Variants in ADCY5 observed in about 807,000 individuals in gnomAD.
ADCY5 encodes adenylate cyclase 5, also known as adenylate cyclase type 5.
ADCY5 carries 30 observed loss-of-function variants against 119.7 expected under a neutral mutation model. The observed-to-expected ratio is 0.25, with a 90% CI of 0.19 to 0.34. The LOEUF (loss-of-function observed/expected upper bound fraction) is 0.34, where lower values mean the gene tolerates loss of function less well. Among genes scored for constraint, ADCY5 ranks in the 10% least tolerant of loss-of-function variants. The probability of loss-of-function intolerance (pLI) is 1.00; values close to 1 mark genes in which losing one functional copy is unlikely to be tolerated. For missense variants in ADCY5, 1,324 were observed against 1,775.2 expected (o/e 0.75, Z 4.57); for synonymous variants, 753 against 762.2 (o/e 0.99, Z 0.20).
At chr3:123,404,991 C>A (rs1944864645) in intron 1 of ADCY5, among the ~76,000 whole-genome samples, 2 of 152,280 alleles carry the variant, frequency 1.3e-5, no homozygotes, top group Admixed American at 1.3e-4. Context: ...CTCTGGGCCT[C>A]AGTTTTCTGA....
chr3:123,396,186 A>AAG, intron 1 of ADCY5, among the ~76,000 whole-genome samples: 1 of 136,310 alleles, frequency 7.3e-6, no homozygotes, highest in East Asian at 2.5e-4. Context: ...GAGGGAGGGA[A>AAG]GAAGGAAGGA....
chr3:123,411,162 C>T (rs756132149), intron 1 of ADCY5, among the ~76,000 whole-genome samples: 5 of 152,204 alleles, frequency 3.3e-5, no homozygotes, highest in Non-Finnish European at 7.3e-5. Flanking sequence ...CCTGTGCCTC[C>T]ACCAACCTCT....
intron 1 of ADCY5, among the ~76,000 whole-genome samples, chr3:123,433,736 T>TG (rs1369238615): frequency 3.3e-5 from 5 of 152,122 alleles, no homozygotes; most frequent in Admixed American, 3.3e-4. Context: ...GAGGTGATCC[T>TG]GATGGGTCCC....
chr3:123,292,455 G>C (rs1939210203), intron 17 of ADCY5, among the ~76,000 whole-genome samples: 1 of 152,174 alleles, frequency 6.6e-6, no homozygotes, highest in Admixed American at 6.5e-5. Flanking sequence ...CCCATGGCCT[G>C]GTGGCCTCCT....
rs886485466 is a variant in ADCY5 at position 123,336,478 on chromosome 3, G to C, written c.1407-3803C>G. Among the ~76,000 whole-genome samples, 35 of 152,348 alleles carry C rather than the reference G, an allele frequency of 2.3e-4. 1 individual carries two copies. In the South Asian group the frequency reaches 7.0e-3, roughly 31 times the overall value. On this transcript the variant is annotated intron_variant, in intron 3 of 20. Transcript: ENST00000462833. Reference sequence around the variant, plus strand: ...GCACGACCAGTGGCTGGTCCACCCCGAGCCTGAGGCTATGCAGCAAAGGCC... The same window carrying C: ...GCACGACCAGTGGCTGGTCCACCCCCAGCCTGAGGCTATGCAGCAAAGGCC...
At chr3:123,365,221 T>C (rs532391520) in intron 1 of ADCY5, among the ~76,000 whole-genome samples, 2 of 152,350 alleles carry the variant, frequency 1.3e-5, no homozygotes, top group East Asian at 1.9e-4. Context: ...CCTCCCAAAA[T>C]GCTGGGATTA....
intron 11 of ADCY5, among the ~76,000 whole-genome samples, chr3:123,314,900 T>TCCCACAAC (rs1940824122): frequency 6.6e-6 from 1 of 152,104 alleles, no homozygotes; most frequent in East Asian, 1.9e-4. Context: ...CACCGCCAGG[T>TCCCACAAC]CCCACAACAA....
At chr3:123,293,795 T>C (rs776846238) in intron 17 of ADCY5, among the ~76,000 whole-genome samples, 28 of 152,324 alleles carry the variant, frequency 1.8e-4, no homozygotes, top group Non-Finnish European at 2.6e-4. Context: ...TACAGATACA[T>C]GTATACACAC....
At chr3:123,370,070 A>C (rs1943579405) in intron 1 of ADCY5, among the ~76,000 whole-genome samples, 1 of 152,184 alleles carries the variant, frequency 6.6e-6, no homozygotes, top group Non-Finnish European at 1.5e-5. Flanking sequence ...GCATGACCTA[A>C]TGCCAAAGGG....
chr3:123,416,179 C>A, intron 1 of ADCY5: 1 of 1,536,068 alleles, frequency 6.5e-7, no homozygotes, highest in Non-Finnish European at 8.7e-7. Flanking sequence ...GGCCATGACA[C>A]TCACCCTCCG....
At chr3:123,297,554 G>A (rs1182234239) in intron 15 of ADCY5, among the ~76,000 whole-genome samples, 172 bp from the exon 16 acceptor site, 1 of 152,204 alleles carries the variant, frequency 6.6e-6, no homozygotes, top group Admixed American at 6.5e-5. Flanking sequence ...GGAGGTGGCA[G>A]AAAGCCCAGC....
intron 1 of ADCY5, among the ~76,000 whole-genome samples, chr3:123,436,313 C>T (rs191902383): frequency 6.6e-6 from 1 of 152,012 alleles, no homozygotes; most frequent in African/African-American, 2.4e-5. Context: ...GCAGAGGTTG[C>T]AGTAAGCCAA....
intron 1 of ADCY5, among the ~76,000 whole-genome samples, chr3:123,364,409 A>G (rs1702702913): frequency 6.6e-6 from 1 of 152,246 alleles, no homozygotes; most frequent in Non-Finnish European, 1.5e-5. Flanking sequence ...GGGGACTAGG[A>G]CCCTTCCTGG....
At chr3:123,304,260 C>A in intron 12 of ADCY5, 77 bp from the exon 13 acceptor site, 1 of 995,612 alleles carries the variant, frequency 1.0e-6, no homozygotes, top group South Asian at 1.4e-5. Context: ...CAAATGGTCC[C>A]GGGAGTGCAG....
At chr3:123,389,018 T>C (rs553054687) in intron 1 of ADCY5, among the ~76,000 whole-genome samples, 14 of 150,804 alleles carry the variant, frequency 9.3e-5, no homozygotes, top group Non-Finnish European at 4.4e-5. Context: ...AGGCCAGGAG[T>C]CATGGAAGGA....
intron 3 of ADCY5, among the ~76,000 whole-genome samples, chr3:123,346,607 T>TTTCTCTCTCTCTCTCTCTCTC (rs1553731594): frequency 7.8e-6 from 1 of 128,072 alleles, no homozygotes; most frequent in Non-Finnish European, 1.8e-5. Flanking sequence ...CAGCCTCACC[T>TTTCTCTCTCTCTCTCTCTCTC]TCTCTCTCTC....
chr3:123,435,380 G>C (rs1029408983), intron 1 of ADCY5, among the ~76,000 whole-genome samples: 2 of 152,192 alleles, frequency 1.3e-5, no homozygotes, highest in Non-Finnish European at 2.9e-5. Context: ...CATCTGAATA[G>C]TAGCGCCAAA....
At chr3:123,332,424 G>GC (rs1941807860) in intron 4 of ADCY5, 140 bp downstream of exon 4, 1 of 657,994 alleles carries the variant, frequency 1.5e-6, no homozygotes, top group Admixed American at 2.4e-5. Context: ...GGTCCCCTCT[G>GC]CCCATCACCA....
chr3:123,331,326 G>T (rs947816805), intron 4 of ADCY5, among the ~76,000 whole-genome samples: 8 of 152,224 alleles, frequency 5.3e-5, no homozygotes, highest in Non-Finnish European at 1.2e-4. Flanking sequence ...TCGAACTGCA[G>T]CTCAGCCAGC....
Sources: allele counts gnomAD v4.1 joint callset (sites outside exome capture counted in the v4.1 genomes callset), GRCh38; gene constraint gnomAD v4.1.1; transcripts MANE v1.5; gene names NCBI Gene and HGNC (gene_info 2026-07-23, HGNC 2026-07-21).